Variants in ATP8A1 observed in about 807,000 individuals in gnomAD.
ATP8A1 encodes the protein phospholipid-transporting ATPase IA.
Under a neutral mutation model 177.7 loss-of-function variants are expected in ATP8A1, and 90 were observed. That is an observed-to-expected ratio of 0.51 (90% CI 0.43 to 0.60). The LOEUF (loss-of-function observed/expected upper bound fraction) is 0.60. ATP8A1 is among the 20% of genes least tolerant of loss of function. ATP8A1 has a pLI of 0.00. For synonymous variants in ATP8A1, 493 were observed against 485.9 expected (o/e 1.01, Z -0.19); for missense variants, 1,072 against 1,392.8 (o/e 0.77, Z 3.67).
chr4:42,447,293 G>A lies in ATP8A1; in HGVS notation c.2897-649C>T, dbSNP rs1042886570. ...CCGCTCCCGGGTTCTAGTAATTATC[G>A]TGCCTCAGCCTCCGGAGTAGCTGGG... On this transcript the variant is annotated intron_variant, in intron 30 of 36. Transcript: ENST00000381668. Among the ~76,000 whole-genome samples, 7 of 151,960 alleles carry A rather than the reference G, an allele frequency of 4.6e-5. No homozygotes were observed. The East Asian group carries it at 7.7e-4, about 17-fold the overall frequency.
intron 10 of ATP8A1, among the ~76,000 whole-genome samples, 194 bp downstream of exon 10, chr4:42,581,427 C>A (rs985823759): frequency 6.6e-6 from 1 of 152,186 alleles, no homozygotes; most frequent in South Asian, 2.1e-4. Context: ...GCCACCGCGC[C>A]CAGCCCAAGC....
chr4:42,466,622 C>T (rs752684623), intron 25 of ATP8A1, among the ~76,000 whole-genome samples: 19 of 152,096 alleles, frequency 1.2e-4, no homozygotes, highest in Non-Finnish European at 2.5e-4. Flanking sequence ...GGTTGCTATA[C>T]GAAAAAACCA....
chr4:42,504,608 C>A (rs1253484416), intron 23 of ATP8A1, among the ~76,000 whole-genome samples: 1 of 152,240 alleles, frequency 6.6e-6, no homozygotes, highest in African/African-American at 2.4e-5. Flanking sequence ...TTGTTACCAC[C>A]TTGGTCCAAG....
intron 1 of ATP8A1, among the ~76,000 whole-genome samples, chr4:42,646,641 G>T (rs915398620): frequency 2.6e-5 from 4 of 152,188 alleles, no homozygotes; most frequent in Admixed American, 2.0e-4. Flanking sequence ...ACTCTAAACA[G>T]GTCTGGCCCA....
chr4:42,587,124 C>T lies in ATP8A1; in HGVS notation c.595-648G>A, dbSNP rs139112736. On this transcript the variant is annotated intron_variant, in intron 8 of 36. Transcript: ENST00000381668. ...ACTTTACAGTTATTTTTGCTTGACA[C>T]GATATGAAAAGTAAATATAGAAATG... Among the ~76,000 whole-genome samples, 515 of 152,106 alleles carry T rather than the reference C, an allele frequency of 3.4e-3. 5 individuals are homozygous for T. The highest frequency in any genetic ancestry group is 0.012 in the African/African-American group (479 of 41,476).
intron 30 of ATP8A1, among the ~76,000 whole-genome samples, chr4:42,447,870 AAT>A (rs1373716710): frequency 6.6e-6 from 1 of 152,156 alleles, no homozygotes; most frequent in Non-Finnish European, 1.5e-5. Flanking sequence ...TTGAAGTGAC[AAT>A]GAAGTTCTGT....
At position 42,621,569 on chromosome 4, in the gene ATP8A1, A is replaced by G. The variant is rs188053651; in HGVS notation, c.363+2967T>C. Among the ~76,000 whole-genome samples, 3 of 152,336 alleles carry G rather than the reference A, an allele frequency of 2.0e-5. No individual in the cohort carries two copies. In the East Asian group the frequency reaches 5.8e-4, roughly 29 times the overall value. On this transcript the variant is annotated intron_variant, in intron 4 of 36. Coordinates refer to ENST00000381668, the MANE Select transcript of ATP8A1 (RefSeq NM_006095.2). ...ACAAACCACTGCTCAATGAAATCAG[A>G]GATGACAAAACAAATGGAAAACATT...
At chr4:42,584,121 T>C (rs1192867601) in intron 9 of ATP8A1, among the ~76,000 whole-genome samples, 2 of 152,206 alleles carry the variant, frequency 1.3e-5, no homozygotes, top group Non-Finnish European at 2.9e-5. Flanking sequence ...ACTCTAATAA[T>C]GCAATTACAA....
intron 1 of ATP8A1, among the ~76,000 whole-genome samples, chr4:42,656,285 G>A (rs1256187457): frequency 6.6e-6 from 1 of 152,234 alleles, no homozygotes; most frequent in Non-Finnish European, 1.5e-5. Flanking sequence ...GCGAGCCGGT[G>A]GGACTCCGCT....
intron 20 of ATP8A1, among the ~76,000 whole-genome samples, chr4:42,532,004 A>G (rs1727308995): frequency 6.6e-6 from 1 of 151,996 alleles, no homozygotes; most frequent in Non-Finnish European, 1.5e-5. Context: ...CGGGAGTATG[A>G]GGTGGAAGGA....
At chr4:42,632,341 T>C (rs1738827389) in intron 1 of ATP8A1, among the ~76,000 whole-genome samples, 1 of 152,206 alleles carries the variant, frequency 6.6e-6, no homozygotes, top group Non-Finnish European at 1.5e-5. Flanking sequence ...GTCTGTAATA[T>C]TCTGCTTGAT....
chr4:42,523,148 C>A (rs752117287), intron 21 of ATP8A1, among the ~76,000 whole-genome samples: 1 of 152,140 alleles, frequency 6.6e-6, no homozygotes, highest in Admixed American at 6.5e-5. Flanking sequence ...AGATATACCC[C>A]GGGAAAACAA....
intron 23 of ATP8A1, among the ~76,000 whole-genome samples, chr4:42,504,092 CTGA>C (rs1167844850): frequency 6.6e-6 from 1 of 152,204 alleles, no homozygotes; most frequent in African/African-American, 2.4e-5. Context: ...GGCAACTCTG[CTGA>C]TGTCACATTT....
At chr4:42,471,872 C>G (rs1720456127) in intron 25 of ATP8A1, 5 of 616,988 alleles carry the variant, frequency 8.1e-6, no homozygotes, top group South Asian at 7.1e-5. Context: ...AGTTAAGAGT[C>G]CGGCATCTTT....
rs139647927 is a variant in ATP8A1 at position 42,650,039 on chromosome 4, T to G, written c.49+6786A>C. 1.2e-3 allele frequency among the ~76,000 whole-genome samples: 176 copies of G among 152,288 alleles called. 1 individual carries two copies. The highest frequency in any genetic ancestry group is 3.9e-3 in the African/African-American group (164 of 41,576). Reference sequence around the variant, plus strand: ...GTGGTGGCCTTCATGTCATTGACATTCCAATGAAACCATGTGAATAGAGAC... The same window carrying G: ...GTGGTGGCCTTCATGTCATTGACATGCCAATGAAACCATGTGAATAGAGAC... On this transcript the variant is annotated intron_variant, in intron 1 of 36. Transcript: ENST00000381668.
At chr4:42,471,715 CTAGT>C in intron 25 of ATP8A1, 1 of 269,414 alleles carries the variant, frequency 3.7e-6, no homozygotes, top group South Asian at 4.8e-5. Flanking sequence ...AAAATATCAT[CTAGT>C]TATATTGAAC....
At chr4:42,528,147 G>T (rs930401167) in intron 20 of ATP8A1, among the ~76,000 whole-genome samples, 2 of 152,170 alleles carry the variant, frequency 1.3e-5, no homozygotes, top group Non-Finnish European at 2.9e-5. Context: ...AGTGGGTCCA[G>T]TGGGTCTCCG....
intron 1 of ATP8A1, among the ~76,000 whole-genome samples, chr4:42,651,020 G>T (rs569378770): frequency 3.3e-5 from 5 of 152,124 alleles, no homozygotes; most frequent in Non-Finnish European, 7.4e-5. Flanking sequence ...ATGGGGACAG[G>T]TCTTTCCCAT....
intron 35 of ATP8A1, among the ~76,000 whole-genome samples, chr4:42,416,833 A>C (rs1713298707): frequency 6.6e-6 from 1 of 152,176 alleles, no homozygotes; most frequent in South Asian, 2.1e-4. Flanking sequence ...TACCCCCAAG[A>C]TGCTGAGAAT....
Sources: allele counts gnomAD v4.1 joint callset (sites outside exome capture counted in the v4.1 genomes callset), GRCh38; gene constraint gnomAD v4.1.1; transcripts MANE v1.5; gene names NCBI Gene and HGNC (gene_info 2026-07-23, HGNC 2026-07-21).